Variants in PCDHA3 observed in about 807,000 individuals in gnomAD.
PCDHA3 encodes the protein protocadherin alpha-3.
PCDHA3 carries 41 observed loss-of-function variants against 62.2 expected under a neutral mutation model. That is an observed-to-expected ratio of 0.66 (90% CI 0.51 to 0.86). PCDHA3 has a LOEUF of 0.86. Ranked by LOEUF, PCDHA3 falls within the 40% of genes least tolerant of loss-of-function variation. The pLI, the probability that PCDHA3 is intolerant of heterozygous loss-of-function variation, is 0.00. For synonymous variants in PCDHA3, 640 were observed against 555.4 expected (o/e 1.15, Z -2.14); for missense variants, 1,304 against 1,241.2 (o/e 1.05, Z -0.76).
intron 1 of PCDHA3, chr5:140,823,642 G>A (rs138093911): frequency 5.6e-6 from 9 of 1,613,918 alleles, no homozygotes; most frequent in African/African-American, 1.3e-5. Context: ...CCCGTTCCGC[G>A]TGGGGCTGTA....
At chr5:140,958,700 C>G (rs2095439212) in intron 1 of PCDHA3, among the ~76,000 whole-genome samples, 1 of 152,086 alleles carries the variant, frequency 6.6e-6, no homozygotes, top group Non-Finnish European at 1.5e-5. Context: ...CCTAGAGTGA[C>G]AACTCTGTTA....
rs782768908 is a variant in PCDHA3 at position 140,802,295 on chromosome 5, C to T, written c.1098C>T (p.Ser366=). 1 of 1,614,250 alleles carries T rather than the reference C, an allele frequency of 6.2e-7. No homozygotes were observed. The highest frequency in any genetic ancestry group is 8.5e-7 in the Non-Finnish European group (1 of 1,180,042). Residue 366 remains serine (S), a synonymous_variant, in exon 1 of 4, where the codon AGC becomes AGT. Coordinates refer to ENST00000522353, the MANE Select transcript of PCDHA3 (RefSeq NM_018906.3). ...SLPVLEDSPL[S]TVIALISVSD... ...CTGTATTAGAAGACTCTCCACTTAG[C>T]ACAGTCATCGCTCTGATCAGCGTGT...
chr5:140,829,467 A>C, intron 1 of PCDHA3: 1 of 1,613,844 alleles, frequency 6.2e-7, no homozygotes, highest in Non-Finnish European at 8.5e-7. Context: ...GCGCAGCCCG[A>C]GTACACAGTG....
Position 140,939,297 on chromosome 5 carries a change from T to C in PCDHA3, c.2395-39652T>C, listed in dbSNP as rs116782192. Among the ~76,000 whole-genome samples the C allele has an allele frequency of 5.4e-3, 827 of 152,242 alleles. 3 individuals are homozygous for C. The highest frequency in any genetic ancestry group is 0.019 in the African/African-American group (796 of 41,542). ...TGTGCCCTCGTGATCTAATCATCTC[T>C]ACAAAAGCCCTACCTCCTAATATCA... On this transcript the variant is annotated intron_variant, in intron 1 of 3. Coordinates refer to ENST00000522353, the MANE Select transcript of PCDHA3 (RefSeq NM_018906.3).
chr5:140,842,542 G>A (rs1432404802), intron 1 of PCDHA3: 6 of 1,608,260 alleles, frequency 3.7e-6, no homozygotes, highest in African/African-American at 1.3e-5. Flanking sequence ...ACTACTCGTT[G>A]GTGCTGGACA....
At chr5:140,981,533 C>A (rs1045779820) in intron 2 of PCDHA3, among the ~76,000 whole-genome samples, 9 of 152,154 alleles carry the variant, frequency 5.9e-5, no homozygotes, top group African/African-American at 2.2e-4. Context: ...GAGATCGTGC[C>A]ACTGTACTCC....
chr5:140,978,544 A>G (rs2096808919), intron 1 of PCDHA3, among the ~76,000 whole-genome samples: 1 of 152,234 alleles, frequency 6.6e-6, no homozygotes, highest in Non-Finnish European at 1.5e-5. Context: ...TTGTGTAGCC[A>G]TGTGCCCTGT....
rs2150339268 is a variant in PCDHA3, at chr5:140,842,564, C to T, written c.2394+38973C>T. ...GTTGGTGCTGGACAGCGCCCTGGACCGCGAGAGAGTGTCGGCCTATGAGTT... is the reference window on the plus strand; with the variant it reads ...GTTGGTGCTGGACAGCGCCCTGGACTGCGAGAGAGTGTCGGCCTATGAGTT... On this transcript the variant is annotated intron_variant, in intron 1 of 3. Transcript: ENST00000522353. 4 of 1,500,320 alleles carry T rather than the reference C, an allele frequency of 2.7e-6. 1 individual carries two copies. The highest frequency in any genetic ancestry group is 1.9e-5 in the Admixed American group (1 of 52,900). The allele number at this position is 1,500,320 out of a possible 1,614,324, so 92.9% of individuals were successfully genotyped here.
At chr5:140,956,788 G>T (rs2095310590) in intron 1 of PCDHA3, among the ~76,000 whole-genome samples, 1 of 152,094 alleles carries the variant, frequency 6.6e-6, no homozygotes, top group African/African-American at 2.4e-5. Flanking sequence ...GGCTTTGTTT[G>T]CTTGGTGGGC....
intron 3 of PCDHA3, among the ~76,000 whole-genome samples, chr5:141,005,506 A>G (rs1462164149): frequency 1.3e-5 from 2 of 151,786 alleles, no homozygotes; most frequent in East Asian, 3.9e-4. Flanking sequence ...GATCGAGACC[A>G]TCCTGGCTAA....
chr5:140,923,719 G>A (rs906860011), intron 1 of PCDHA3, among the ~76,000 whole-genome samples: 5 of 152,182 alleles, frequency 3.3e-5, no homozygotes, highest in African/African-American at 1.2e-4. Context: ...GAATAAGAAT[G>A]CAATGTTATG....
intron 1 of PCDHA3, chr5:140,875,549 T>G: frequency 1.2e-6 from 2 of 1,613,916 alleles, no homozygotes; most frequent in Non-Finnish European, 1.7e-6. Flanking sequence ...GCCTGGGAGG[T>G]GGGGAGCGGC....
chr5:140,804,891 C>A, intron 1 of PCDHA3: 2 of 669,166 alleles, frequency 3.0e-6, no homozygotes, highest in Non-Finnish European at 4.6e-6. Flanking sequence ...CCTCTCCTTC[C>A]CCTCACTTCC....
At chr5:140,872,539 A>G (rs2053732284) in intron 1 of PCDHA3, among the ~76,000 whole-genome samples, 1 of 152,128 alleles carries the variant, frequency 6.6e-6, no homozygotes, top group Admixed American at 6.5e-5. Flanking sequence ...ACATGAGAGG[A>G]TCCCCTGAAC....
Position 140,803,136 on chromosome 5 carries a change from C to A in PCDHA3, c.1939C>A (p.Leu647Ile). ...CGAGGTGGACGCCCCGCGCCATCGC[C>A]TACTGGTGCTGGTGAAGGACCACGG... ...LDEVDAPRHR[L>I]LVLVKDHGEP... Residue 647 changes from leucine to isoleucine, a missense_variant, in exon 1 of 4, where the codon CTA (leucine) becomes ATA (isoleucine). By Grantham distance (5) the Leu-to-Ile change is conservative (BLOSUM62 2). Coordinates refer to ENST00000522353, the MANE Select transcript of PCDHA3 (RefSeq NM_018906.3). The A allele has an allele frequency of 6.2e-7, 1 of 1,613,876 alleles. No homozygotes were observed. The highest frequency in any genetic ancestry group is 8.5e-7 in the Non-Finnish European group (1 of 1,179,942).
Position 140,803,234 on chromosome 5 carries a change from G to T in PCDHA3, c.2037G>T (p.Ser679=), listed in dbSNP as rs34395025. 15,059 of 1,613,812 alleles carry T rather than the reference G, an allele frequency of 9.3e-3. 90 individuals are homozygous for T. The highest frequency in any genetic ancestry group is 0.02 in the Middle Eastern group (124 of 6,062). Residue 679 remains serine (S), a synonymous_variant, in exon 1 of 4, where the codon TCG becomes TCT. Coordinates refer to ENST00000522353, the MANE Select transcript of PCDHA3 (RefSeq NM_018906.3). Reference sequence around the variant, plus strand: ...AGAGTGGCCAGGCACCCAAGGCCTCGTCCCAGGCGTCCGCTGGCGCCACGG... The same window carrying T: ...AGAGTGGCCAGGCACCCAAGGCCTCTTCCCAGGCGTCCGCTGGCGCCACGG... The part of the protein sequence containing the change: ...LVESGQAPKA[S]SQASAGATGP...
At chr5:140,880,512 C>T (rs1296325164) in intron 1 of PCDHA3, among the ~76,000 whole-genome samples, 4 of 152,314 alleles carry the variant, frequency 2.6e-5, no homozygotes, top group South Asian at 4.1e-4. Flanking sequence ...TGTTTGGTCA[C>T]ATCTCTCAAT....
intron 1 of PCDHA3, among the ~76,000 whole-genome samples, chr5:140,973,810 T>C (rs1179978402): frequency 6.6e-6 from 1 of 152,230 alleles, no homozygotes; most frequent in Non-Finnish European, 1.5e-5. Context: ...CTTGACAGAA[T>C]AGCAAAGTCA....
chr5:140,969,325 A>G (rs1490022353), intron 1 of PCDHA3: 1 of 1,614,000 alleles, frequency 6.2e-7, no homozygotes, highest in Non-Finnish European at 8.5e-7. Context: ...CTGTTTCTCA[A>G]AATGAGGTGA....
Sources: gnomAD v4.1 joint callset for allele counts (sites outside exome capture counted in the v4.1 genomes callset) on GRCh38, gnomAD v4.1.1 for gene constraint, MANE v1.5 for transcripts, NCBI Gene and HGNC (gene_info 2026-07-23, HGNC 2026-07-21) for gene names.